GPC6: variants seen among roughly 807,000 people sequenced by gnomAD.
The protein encoded by GPC6 is glypican-6.
GPC6 carries 14 observed loss-of-function variants against 55.2 expected under a neutral mutation model. The observed-to-expected ratio is 0.25, with a 90% CI of 0.17 to 0.40. The LOEUF (loss-of-function observed/expected upper bound fraction) is 0.40. Ranked by LOEUF, GPC6 falls within the 10% of genes least tolerant of loss-of-function variation. The pLI is 1.00. For missense variants in GPC6, 641 were observed against 708.5 expected (o/e 0.90, Z 1.08); for synonymous variants, 278 against 259.6 (o/e 1.07, Z -0.68).
chr13:93,383,071 G>T (rs1360700163), intron 1 of GPC6, among the ~76,000 whole-genome samples: 1 of 152,138 alleles, frequency 6.6e-6, no homozygotes, highest in Non-Finnish European at 1.5e-5. Context: ...AATGGGAAAG[G>T]CTGCTATGAT....
chr13:93,676,168 T>TACACACACAC (rs757719039), intron 2 of GPC6, among the ~76,000 whole-genome samples: 2 of 39,452 alleles, frequency 5.1e-5, no homozygotes, highest in African/African-American at 1.7e-4. Context: ...TATATATATA[T>TACACACACAC]ACATACACAC....
intron 6 of GPC6, among the ~76,000 whole-genome samples, chr13:94,362,752 A>G (rs1328648150): frequency 6.6e-6 from 1 of 152,200 alleles, no homozygotes; most frequent in African/African-American, 2.4e-5. Context: ...GCAATTTATA[A>G]TCTCAAAGTT....
At chr13:94,115,608 T>C (rs9301938) in intron 4 of GPC6, among the ~76,000 whole-genome samples, 5,488 of 152,152 alleles carry the variant, frequency 0.036, 355 homozygotes, top group African/African-American at 0.13. Context: ...GTAGAAGAGA[T>C]GTGAGGATTT....
intron 6 of GPC6, among the ~76,000 whole-genome samples, chr13:94,316,813 A>C (rs930670360): frequency 4.0e-5 from 6 of 151,786 alleles, no homozygotes; most frequent in African/African-American, 1.5e-4. Flanking sequence ...TGAGGCTTTG[A>C]TATTGCACAT....
Position 93,460,241 on chromosome 13 carries a change from T to C in GPC6, c.161-85022T>C, listed in dbSNP as rs573381846. Among the ~76,000 whole-genome samples the C allele has an allele frequency of 5.3e-5, 8 of 152,304 alleles. No homozygotes were observed. The South Asian group carries it at 1.4e-3, about 28-fold the overall frequency. On this transcript the variant is annotated intron_variant, in intron 1 of 8. Transcript: ENST00000377047. ...TGGCAGCCAAGCTGATATCATACTGTATTTTGTGTCTCTGTTTTTTGACTG... is the reference window on the plus strand; with the variant it reads ...TGGCAGCCAAGCTGATATCATACTGCATTTTGTGTCTCTGTTTTTTGACTG...
chr13:93,750,072 C>T (rs1884525667), intron 2 of GPC6, among the ~76,000 whole-genome samples: 1 of 151,892 alleles, frequency 6.6e-6, no homozygotes, highest in African/African-American at 2.4e-5. Context: ...GACAAACAGA[C>T]TTAGGGGAGA....
chr13:93,980,485 C>T (rs1880748996), intron 3 of GPC6, among the ~76,000 whole-genome samples: 1 of 152,142 alleles, frequency 6.6e-6, no homozygotes, highest in Non-Finnish European at 1.5e-5. Flanking sequence ...GTATTCTCTG[C>T]ATTGGAAATA....
Position 94,286,329 on chromosome 13 carries a change from A to T in GPC6, c.878-20A>T. 1 of 1,613,396 alleles carries T rather than the reference A, an allele frequency of 6.2e-7. No individual in the cohort carries two copies. The highest frequency in any genetic ancestry group is 2.2e-5 in the East Asian group (1 of 44,866). ...GGAGCTCCCAGTTTGCAAATAAATC[A>T]TGTTCCTGTATTTTAACAGATGCAA... On this transcript the variant is annotated intron_variant, in intron 4 of 8. Coordinates refer to ENST00000377047, the MANE Select transcript of GPC6 (RefSeq NM_005708.5).
chr13:94,013,383 T>C (rs1401601922), intron 3 of GPC6, among the ~76,000 whole-genome samples: 1 of 152,134 alleles, frequency 6.6e-6, no homozygotes, highest in Non-Finnish European at 1.5e-5. Flanking sequence ...GGAGTTTCAC[T>C]CTTGTTGCCC....
intron 3 of GPC6, among the ~76,000 whole-genome samples, chr13:93,881,313 T>C (rs932246596): frequency 5.3e-5 from 8 of 152,126 alleles, no homozygotes; most frequent in Non-Finnish European, 8.8e-5. Flanking sequence ...TTGCAATTAA[T>C]AGTGGACAAA....
At chr13:93,752,009 A>G (rs1346653801) in intron 2 of GPC6, among the ~76,000 whole-genome samples, 2 of 152,140 alleles carry the variant, frequency 1.3e-5, no homozygotes, top group East Asian at 1.9e-4. Context: ...TATTTCTAAT[A>G]TACTATTAAT....
chr13:94,257,836 A>G (rs1891549489), intron 4 of GPC6, among the ~76,000 whole-genome samples: 1 of 152,250 alleles, frequency 6.6e-6, no homozygotes, highest in South Asian at 2.1e-4. Context: ...AGTCAAAAAC[A>G]GGAAAAGATA....
upstream of GPC6, among the ~76,000 whole-genome samples, chr13:93,221,990 T>C (rs989182532): frequency 6.8e-6 from 1 of 147,578 alleles, no homozygotes; most frequent in African/African-American, 2.5e-5. Flanking sequence ...AAAAGGATGA[T>C]AAATTCTGCT....
chr13:94,062,033 T>A (rs1884347735), intron 4 of GPC6, among the ~76,000 whole-genome samples: 1 of 152,206 alleles, frequency 6.6e-6, no homozygotes, highest in East Asian at 1.9e-4. Flanking sequence ...TTCATTTCTA[T>A]ATTTAATGCA....
chr13:94,206,271 T>C (rs1939491230), intron 4 of GPC6, among the ~76,000 whole-genome samples: 1 of 152,186 alleles, frequency 6.6e-6, no homozygotes, highest in African/African-American at 2.4e-5. Context: ...TTCTATTCTT[T>C]TGTTGTTCTT....
At chr13:94,347,516 C>T (rs1054858061) in intron 6 of GPC6, among the ~76,000 whole-genome samples, 1 of 152,124 alleles carries the variant, frequency 6.6e-6, no homozygotes, top group Non-Finnish European at 1.5e-5. Context: ...TAATTTCATA[C>T]TAAAACAGAA....
intron 3 of GPC6, among the ~76,000 whole-genome samples, chr13:94,026,677 T>G (rs1202264418): frequency 6.6e-6 from 1 of 151,954 alleles, no homozygotes; most frequent in Non-Finnish European, 1.5e-5. Flanking sequence ...TGCCCGAGAG[T>G]ATAATTTTTT....
intron 3 of GPC6, among the ~76,000 whole-genome samples, chr13:93,877,121 C>G (rs1465597086): frequency 6.6e-6 from 1 of 152,006 alleles, no homozygotes; most frequent in East Asian, 1.9e-4. Context: ...AGAAATATAT[C>G]AGCTAAGTAA....
intron 3 of GPC6, among the ~76,000 whole-genome samples, chr13:93,857,140 G>A (rs538903366): frequency 1.9e-4 from 29 of 151,638 alleles, no homozygotes; most frequent in African/African-American, 6.8e-4. Context: ...TTAGAAGGGG[G>A]TATAAAATTC....
Sources: gnomAD v4.1 joint callset for allele counts (sites outside exome capture counted in the v4.1 genomes callset) on GRCh38, gnomAD v4.1.1 for gene constraint, MANE v1.5 for transcripts, NCBI Gene and HGNC (gene_info 2026-07-23, HGNC 2026-07-21) for gene names.